Variants in GMDS observed in about 807,000 individuals in gnomAD.
The protein encoded by GMDS is GDP-mannose 4,6-dehydratase, also known as GDP-mannose 4,6 dehydratase.
A neutral mutation model predicts 49.9 loss-of-function variants in GMDS; 20 were observed. That is an observed-to-expected ratio of 0.40 (90% CI 0.28 to 0.58). The LOEUF (loss-of-function observed/expected upper bound fraction) is 0.58, where lower values mean the gene tolerates loss of function less well. Among genes scored for constraint, GMDS ranks in the 20% least tolerant of loss-of-function variants. GMDS has a pLI of 0.42. For synonymous variants in GMDS, 177 were observed against 178.6 expected, an observed-to-expected ratio of 0.99 and a Z score of 0.07; for missense variants, 362 against 481.4, an observed-to-expected ratio of 0.75 and a Z score of 2.32.
At chr6:2,130,153 C>G (rs1341710757) in intron 1 of GMDS, among the ~76,000 whole-genome samples, 1 of 152,034 alleles carries the variant, frequency 6.6e-6, no homozygotes, top group East Asian at 1.9e-4. Context: ...CCCGGTAAAA[C>G]AGACAAATGG....
intron 6 of GMDS, among the ~76,000 whole-genome samples, chr6:1,953,457 G>A (rs1763465412): frequency 1.3e-5 from 2 of 152,050 alleles, no homozygotes; most frequent in African/African-American, 4.8e-5. Flanking sequence ...TGTATTTTTT[G>A]TTCCCTCTTA....
At chr6:1,988,967 C>A (rs1465569628) in intron 4 of GMDS, among the ~76,000 whole-genome samples, 1 of 152,112 alleles carries the variant, frequency 6.6e-6, no homozygotes, top group Non-Finnish European at 1.5e-5. Flanking sequence ...AAAGGCTGGC[C>A]CTCTTGGATT....
chr6:1,890,764 T>A (rs116141791), intron 7 of GMDS, among the ~76,000 whole-genome samples: 3,086 of 152,278 alleles, frequency 0.02, 108 homozygotes, highest in African/African-American at 0.07. Context: ...CACTTTTAAT[T>A]AAGCTTTTAA....
chr6:2,238,835 T>A (rs899976216), intron 1 of GMDS, among the ~76,000 whole-genome samples: 2 of 149,198 alleles, frequency 1.3e-5, no homozygotes, highest in Non-Finnish European at 3.0e-5. Flanking sequence ...ACAATTATTA[T>A]GTACCAGTTA....
chr6:2,034,998 C>T (rs1186684118), intron 4 of GMDS, among the ~76,000 whole-genome samples: 3 of 152,134 alleles, frequency 2.0e-5, no homozygotes, highest in Non-Finnish European at 4.4e-5. Flanking sequence ...CCCTATGGAA[C>T]TGCTACACCA....
At chr6:1,668,456 T>G (rs571475891) in intron 9 of GMDS, among the ~76,000 whole-genome samples, 2 of 152,218 alleles carry the variant, frequency 1.3e-5, no homozygotes, top group Non-Finnish European at 2.9e-5. Context: ...ATGCCTGTAA[T>G]CCCAGCACTT....
chr6:1,959,873 T>G lies in GMDS; in HGVS notation c.637A>C (p.Arg213=). The G allele has an allele frequency of 6.4e-7, 1 of 1,571,984 alleles. No homozygotes were observed. The highest frequency in any genetic ancestry group is 8.7e-7 in the Non-Finnish European group (1 of 1,147,454). Residue 213 remains arginine, a synonymous_variant, in exon 6 of 11, where the codon AGA becomes CGA. Coordinates refer to ENST00000380815, the MANE Select transcript of GMDS (RefSeq NM_001500.4). ...AGTTAATATATTTACTGACCTCTTC[T>G]GGGACTCTCATGATTGAAGAGAATG... is the stretch of plus-strand genomic sequence containing the variant. The part of the protein sequence containing the change: ...NGILFNHESP[R]RGANFVTRKI...
intron 7 of GMDS, among the ~76,000 whole-genome samples, chr6:1,764,397 T>C (rs1190455029): frequency 6.6e-6 from 1 of 152,212 alleles, no homozygotes; most frequent in Non-Finnish European, 1.5e-5. Context: ...ATAGTCTTAA[T>C]ATCATGTAGT....
intron 4 of GMDS, among the ~76,000 whole-genome samples, chr6:2,042,458 T>C (rs1160979711): frequency 6.6e-6 from 1 of 152,124 alleles, no homozygotes; most frequent in Non-Finnish European, 1.5e-5. Context: ...GCACCCTCCG[T>C]AGTGTGGCCA....
chr6:1,733,523 A>C (rs1459403203), intron 8 of GMDS, among the ~76,000 whole-genome samples: 2 of 152,206 alleles, frequency 1.3e-5, no homozygotes, highest in Non-Finnish European at 2.9e-5. Flanking sequence ...GGAGCCTCAA[A>C]GGAGGGCCAG....
chr6:1,680,254 T>A (rs1764746440), intron 9 of GMDS, among the ~76,000 whole-genome samples: 1 of 152,236 alleles, frequency 6.6e-6, no homozygotes, highest in Non-Finnish European at 1.5e-5. Context: ...CCATGAATTC[T>A]TGATGTGCGC....
chr6:2,038,200 G>C (rs1011291351), intron 4 of GMDS, among the ~76,000 whole-genome samples: 1 of 152,102 alleles, frequency 6.6e-6, no homozygotes, highest in African/African-American at 2.4e-5. Flanking sequence ...TTTTGTCCCA[G>C]CCTTGCATCA....
In GMDS at chr6:1,766,568, AG is replaced by A. The variant is rs1272774338; in HGVS notation, c.772-23983del. ...ATTTCTCTCTTGTGTATGGCTCGGG[AG>A]GAGGGTCTAAGGTGGGCCTCGCTAC... On this transcript the variant is annotated intron_variant, in intron 7 of 10. Coordinates refer to ENST00000380815, the MANE Select transcript of GMDS (RefSeq NM_001500.4). This position sits in a 1 kb window ranked among gnomAD's most constrained non-coding sequence, Gnocchi z 4.5. 6.6e-6 allele frequency among the ~76,000 whole-genome samples: 1 copy of A among 151,996 alleles called. No individual in the cohort carries two copies. Among genetic ancestry groups the A allele is most frequent in the Non-Finnish European group, 1.5e-5 (1 of 67,980 alleles).
intron 7 of GMDS, among the ~76,000 whole-genome samples, chr6:1,762,138 A>G (rs1768185043): frequency 6.6e-6 from 1 of 152,258 alleles, no homozygotes; most frequent in Non-Finnish European, 1.5e-5. Context: ...TCATCTCATC[A>G]TTAAATGCTC....
intron 7 of GMDS, among the ~76,000 whole-genome samples, chr6:1,747,480 GCGTGTGCGCGCA>G (rs1767550838): frequency 3.1e-4 from 1 of 3,218 alleles, no homozygotes. Flanking sequence ...ACACGCTCAT[GCGTGTGCGCGCA>G]CACACACACA....
chr6:1,950,826 C>A (rs1763301613), intron 6 of GMDS, among the ~76,000 whole-genome samples: 1 of 152,172 alleles, frequency 6.6e-6, no homozygotes, highest in Non-Finnish European at 1.5e-5. Context: ...CTTATCCTCA[C>A]CACCATGAAC....
At chr6:1,897,475 T>C (rs192239091) in intron 7 of GMDS, among the ~76,000 whole-genome samples, 1 of 152,234 alleles carries the variant, frequency 6.6e-6, no homozygotes, top group East Asian at 1.9e-4. Context: ...GAGCTTAATG[T>C]GGGGTTGAGA....
At chr6:1,990,478 T>C (rs1765863817) in intron 4 of GMDS, among the ~76,000 whole-genome samples, 1 of 152,236 alleles carries the variant, frequency 6.6e-6, no homozygotes, top group Non-Finnish European at 1.5e-5. Context: ...TTCAGTAATC[T>C]GGCTGGTTCT....
intron 7 of GMDS, among the ~76,000 whole-genome samples, chr6:1,850,215 G>A (rs1463933961): frequency 2.0e-5 from 3 of 152,176 alleles, no homozygotes; most frequent in East Asian, 1.9e-4. Flanking sequence ...GCTATCGGAT[G>A]TAAATACATT....
Sources: gnomAD v4.1 joint callset for allele counts (sites outside exome capture counted in the v4.1 genomes callset) on GRCh38, gnomAD v4.1.1 for gene constraint, Gnocchi (gnomAD v3.1) non-coding constraint, MANE v1.5 for transcripts, NCBI Gene and HGNC (gene_info 2026-07-23, HGNC 2026-07-21) for gene names.